RPL28: variants seen among roughly 807,000 people sequenced by gnomAD.
The protein encoded by RPL28 is large ribosomal subunit protein eL28.
Under a neutral mutation model 12.5 loss-of-function variants are expected in RPL28, and 4 were observed. That is an observed-to-expected ratio of 0.32 (90% CI 0.16 to 0.73). The LOEUF is 0.73. RPL28 is among the 30% of genes least tolerant of loss of function. The probability of loss-of-function intolerance (pLI) is 0.66; values close to 1 mark genes in which losing one functional copy is unlikely to be tolerated. For missense variants in RPL28, 214 were observed against 197.7 expected, an observed-to-expected ratio of 1.08 and a Z score of -0.49; for synonymous variants, 91 against 72.5, an observed-to-expected ratio of 1.26 and a Z score of -1.30.
chr19:55,388,432 T>G lies in RPL28; in HGVS notation c.*100T>G, dbSNP rs1441297255. On this transcript the variant is annotated 3_prime_UTR_variant, in exon 5 of 5. Coordinates refer to ENST00000344063, the MANE Select transcript of RPL28 (RefSeq NM_000991.5). ...TCTGGGGAGCTCTGGCCCTGTGTGT[T>G]GTCATTCAGGCCATGTCATCAAAAC... 1 of 1,375,240 alleles carries G rather than the reference T, an allele frequency of 7.3e-7. No individual in the cohort carries two copies. The highest frequency in any genetic ancestry group is 3.6e-5 in the Admixed American group (1 of 27,782). The allele number at this position is 1,375,240 out of a possible 1,614,324, so 85.2% of individuals were successfully genotyped here.
chr19:55,399,307 C>T lies in RPL28; in HGVS notation c.325-3636C>T, dbSNP rs147246060. Reference sequence around the variant, plus strand: ...TCAGCCTTCCAAGTAGCTGGGATTACAGACATGCACCACCACGTCCAGCTA... The same window carrying T: ...TCAGCCTTCCAAGTAGCTGGGATTATAGACATGCACCACCACGTCCAGCTA... On this transcript the variant is annotated intron_variant, in intron 4 of 4. Transcript: ENST00000560055. Among the ~76,000 whole-genome samples the T allele has an allele frequency of 1.5e-3, 225 of 152,264 alleles. No individual in the cohort carries two copies. The East Asian group carries it at 0.015, about 10-fold the overall frequency.
In RPL28 at chr19:55,389,785, C is replaced by T; in HGVS notation, c.*1453C>T. On this transcript the variant is annotated 3_prime_UTR_variant, in exon 5 of 5. Transcript: ENST00000344063. ...CAGATTGAGAGGTGTTGCCTTAAAACTGAGTTGGGTGACTTGGTACCTGCT... is the reference window on the plus strand; with the variant it reads ...CAGATTGAGAGGTGTTGCCTTAAAATTGAGTTGGGTGACTTGGTACCTGCT... The T allele has an allele frequency of 1.0e-6, 1 of 985,510 alleles. No homozygotes were observed. The highest frequency in any genetic ancestry group is 1.1e-4 in the East Asian group (1 of 8,806). The allele number at this position is 985,510 out of a possible 1,614,324, so 61.0% of individuals were successfully genotyped here. A position where few individuals can be genotyped will look rare whatever the true frequency, so the allele number is the denominator to read the frequency against.
In RPL28 at chr19:55,387,957, T is replaced by C. The variant is rs1034641922; in HGVS notation, c.233T>C (p.Val78Ala). 1 of 1,598,610 alleles carries C rather than the reference T, an allele frequency of 6.3e-7. No individual in the cohort carries two copies. Among genetic ancestry groups the C allele is most frequent in the Non-Finnish European group, 8.5e-7 (1 of 1,172,294 alleles). Reference protein sequence around the residue: ...SGQRKPATSYVRTTINKNARA... With the variant: ...SGQRKPATSYARTTINKNARA... Reference sequence around the variant, plus strand: ...CAGCGGAAGCCTGCCACCTCCTATGTGCGGACCACCATCAACAAGAATGCT... The same window carrying C: ...CAGCGGAAGCCTGCCACCTCCTATGCGCGGACCACCATCAACAAGAATGCT... Residue 78 changes from valine to alanine, a missense_variant, in exon 4 of 5, where the codon GTG becomes GCG. By Grantham distance (64) the Val-to-Ala change is moderately conservative. Transcript: ENST00000344063.
Position 55,389,732 on chromosome 19 carries a change from G to A in RPL28, c.*1400G>A, listed in dbSNP as rs1438092229. 2.0e-6 allele frequency: 2 copies of A among 985,496 alleles called. No individual in the cohort carries two copies. Among genetic ancestry groups the A allele is most frequent in the Admixed American group, 6.1e-5 (1 of 16,264 alleles). 61.0% of individuals were successfully genotyped at this position (985,496 alleles called of 1,614,324 possible). On this transcript the variant is annotated 3_prime_UTR_variant, in exon 5 of 5. Transcript: ENST00000344063. ...TCTGCTGTGAATTACCATTTCCTTT[G>A]TCCTTCCCTTAGTTGGGTCTATTAG...
downstream of RPL28, among the ~76,000 whole-genome samples, chr19:55,395,660 G>A (rs570704234): frequency 3.2e-4 from 49 of 151,124 alleles, no homozygotes; most frequent in South Asian, 5.5e-3. Flanking sequence ...AGCCAGGATG[G>A]TCTCAATCTC....
downstream of RPL28, among the ~76,000 whole-genome samples, chr19:55,393,661 C>A (rs1364971314): frequency 7.5e-6 from 1 of 132,622 alleles, no homozygotes; most frequent in African/African-American, 2.9e-5. Flanking sequence ...GAGATGGAGT[C>A]TTGCTCTGTC....
chr19:55,387,122 C>A, intron 3 of RPL28: 3 of 1,331,802 alleles, frequency 2.3e-6, no homozygotes, highest in Non-Finnish European at 3.1e-6. Context: ...CCCATTTTGC[C>A]TGTGTAGGTT....
At chr19:55,402,183 G>C in intron 4 of RPL28, among the ~76,000 whole-genome samples, 1 of 152,238 alleles carries the variant, frequency 6.6e-6, no homozygotes. Context: ...GAGGCCTGCA[G>C]CCTGGACAGA....
chr19:55,386,496 CTG>C, intron 2 of RPL28, 58 bp downstream of exon 2: 1 of 1,604,484 alleles, frequency 6.2e-7, no homozygotes, highest in Non-Finnish European at 8.5e-7. Context: ...TCTCTTGACT[CTG>C]GGTCAGAGGG....
chr19:55,399,189 C>A (rs2090040545), intron 4 of RPL28, among the ~76,000 whole-genome samples: 1 of 151,054 alleles, frequency 6.6e-6, no homozygotes, highest in Non-Finnish European at 1.5e-5. Flanking sequence ...TTCTTTGAGA[C>A]AGAGTCTCGC....
downstream of RPL28, chr19:55,392,136 AG>A: frequency 1.0e-6 from 1 of 987,368 alleles, no homozygotes; most frequent in Non-Finnish European, 1.2e-6. Context: ...AAATGAAAGA[AG>A]AGTATGCAGG....
downstream of RPL28, among the ~76,000 whole-genome samples, chr19:55,396,740 C>T (rs1440025784): frequency 2.7e-5 from 4 of 148,688 alleles, no homozygotes; most frequent in Non-Finnish European, 5.9e-5. Flanking sequence ...ACCACCACGC[C>T]CGGCTAATTT....
At chr19:55,400,603 G>C (rs1040424233) in intron 4 of RPL28, 3 of 152,246 alleles carry the variant, frequency 2.0e-5, no homozygotes, top group African/African-American at 7.2e-5. Flanking sequence ...TAAGACCCTA[G>C]TTCTACGAGG....
chr19:55,390,417 C>T lies in RPL28; in HGVS notation c.*2085C>T. ...ATGGGGTTTCACCATTTTGCCCAGG[C>T]TGGTTTGGAACTCCTGACTTCAAAT... is the stretch of plus-strand genomic sequence containing the variant. On this transcript the variant is annotated 3_prime_UTR_variant, in exon 5 of 5. Transcript: ENST00000344063. The T allele has an allele frequency of 1.0e-6, 1 of 959,176 alleles. No homozygotes were observed. The highest frequency in any genetic ancestry group is 1.2e-6 in the Non-Finnish European group (1 of 806,088). The allele number at this position is 959,176 out of a possible 1,614,324, so 59.4% of individuals were successfully genotyped here. A position where few individuals can be genotyped will look rare whatever the true frequency, so the allele number is the denominator to read the frequency against.
At chr19:55,398,477 T>C (rs2090037206) in intron 4 of RPL28, among the ~76,000 whole-genome samples, 1 of 152,238 alleles carries the variant, frequency 6.6e-6, no homozygotes, top group South Asian at 2.1e-4. Flanking sequence ...ACACTTGGTA[T>C]TCTCAGATTT....
Position 55,391,861 on chromosome 19 carries a change from C to A in RPL28, c.*3529C>A, listed in dbSNP as rs756420309. The A allele has an allele frequency of 2.6e-5, 36 of 1,388,000 alleles. No homozygotes were observed. The highest frequency in any genetic ancestry group is 3.4e-5 in the Non-Finnish European group (36 of 1,063,184). 86.0% of individuals were successfully genotyped at this position (1,388,000 alleles called of 1,614,324 possible). A position where few individuals can be genotyped will look rare whatever the true frequency, so the allele number is the denominator to read the frequency against. ...ACTAATGCTCGTGTTTCCCAAGCAC[C>A]TGGAAGACATGCCAGATCCATGTGC... On this transcript the variant is annotated 3_prime_UTR_variant, in exon 5 of 5. Coordinates refer to ENST00000344063, the MANE Select transcript of RPL28 (RefSeq NM_000991.5).
chr19:55,390,166 T>C lies in RPL28; in HGVS notation c.*1834T>C. 3 of 985,492 alleles carry C rather than the reference T, an allele frequency of 3.0e-6. No individual in the cohort carries two copies. Among genetic ancestry groups the C allele is most frequent in the Non-Finnish European group, 3.6e-6 (3 of 829,990 alleles). The allele number at this position is 985,492 out of a possible 1,614,324, so 61.0% of individuals were successfully genotyped here. ...AATGAGATGCTTGATGAATGGTGCA[T>C]ATTGAATGTATAAAGCCCACCGGTC... On this transcript the variant is annotated 3_prime_UTR_variant, in exon 5 of 5. Transcript: ENST00000344063.
In RPL28 at chr19:55,391,815, C is replaced by A; in HGVS notation, c.*3483C>A. 7.1e-7 allele frequency: 1 copy of A among 1,417,644 alleles called. No individual in the cohort carries two copies. Among genetic ancestry groups the A allele is most frequent in the Non-Finnish European group, 9.3e-7 (1 of 1,072,046 alleles). 87.8% of individuals were successfully genotyped at this position (1,417,644 alleles called of 1,614,324 possible). A position where few individuals can be genotyped will look rare whatever the true frequency, so the allele number is the denominator to read the frequency against. ...CATGATCACAGATGTCTTCACATGC[C>A]TATGACTAATTTGTACACAAACTAA... On this transcript the variant is annotated 3_prime_UTR_variant, in exon 5 of 5. Coordinates refer to ENST00000344063, the MANE Select transcript of RPL28 (RefSeq NM_000991.5).
intron 2 of RPL28, 55 bp from the exon 3 acceptor site, chr19:55,386,515 C>A (rs1200399488): frequency 1.2e-6 from 2 of 1,600,594 alleles, no homozygotes; most frequent in Non-Finnish European, 1.7e-6. Flanking sequence ...AGGGCGGGAC[C>A]TTCGCATGTC....
Sources: gnomAD v4.1 joint callset for allele counts (sites outside exome capture counted in the v4.1 genomes callset) on GRCh38, gnomAD v4.1.1 for gene constraint, MANE v1.5 for transcripts, NCBI Gene and HGNC (gene_info 2026-07-23, HGNC 2026-07-21) for gene names.